ZNF705G: variants seen among roughly 807,000 people sequenced by gnomAD.
The protein encoded by ZNF705G is putative zinc finger protein 705G.
Under a neutral mutation model 19.6 loss-of-function variants are expected in ZNF705G, and 23 were observed. That is an observed-to-expected ratio of 1.17 (90% confidence interval 0.84 to 1.66). The LOEUF (loss-of-function observed/expected upper bound fraction) is 1.66, where lower values mean the gene tolerates loss of function less well. ZNF705G is among the 40% of genes most tolerant of loss of function. The pLI, the probability that ZNF705G is intolerant of heterozygous loss-of-function variation, is 0.00. For missense variants in ZNF705G, 457 were observed against 354.4 expected (o/e 1.29, Z -2.32); for synonymous variants, 146 against 117.7 (o/e 1.24, Z -1.56).
intron 2 of ZNF705G, among the ~76,000 whole-genome samples, chr8:7,371,170 G>T (rs1360769728): frequency 7.3e-6 from 1 of 136,770 alleles, no homozygotes; most frequent in Non-Finnish European, 1.6e-5. Context: ...TGACAACATG[G>T]ATGGACTTGG....
intron 2 of ZNF705G, among the ~76,000 whole-genome samples, chr8:7,370,070 T>C (rs1476367383): frequency 6.7e-6 from 1 of 148,268 alleles, no homozygotes; most frequent in Non-Finnish European, 1.5e-5. Flanking sequence ...GGCAAAGATC[T>C]GGCTAACACC....
At chr8:7,382,166 A>G (rs1425721914) in intron 1 of ZNF705G, among the ~76,000 whole-genome samples, 1 of 150,776 alleles carries the variant, frequency 6.6e-6, no homozygotes. Flanking sequence ...CTCAAAGTAA[A>G]TCACTGCAAA....
intron 2 of ZNF705G, among the ~76,000 whole-genome samples, chr8:7,370,374 A>C (rs558016189): frequency 6.7e-6 from 1 of 149,542 alleles, no homozygotes; most frequent in East Asian, 1.9e-4. Flanking sequence ...TCTAATCATC[A>C]GGGGGATGTA....
rs113198160 is a variant in ZNF705G, at chr8:7,382,621, C to T, written c.-221-1020G>A. ...TGTAAGGGCAGCTATTTTAAAATTGCGTTTTGATTAAAATTGCATTTTGAA... is the reference window on the plus strand; with the variant it reads ...TGTAAGGGCAGCTATTTTAAAATTGTGTTTTGATTAAAATTGCATTTTGAA... On this transcript the variant is annotated intron_variant, in intron 1 of 6. Coordinates refer to ENST00000400156, the MANE Select transcript of ZNF705G (RefSeq NM_001164457.3). Among the ~76,000 whole-genome samples the T allele has an allele frequency of 8.0e-4, 117 of 145,946 alleles. 5 individuals are homozygous for T. The highest frequency in any genetic ancestry group is 6.8e-3 in the Middle Eastern group (2 of 292).
In ZNF705G at chr8:7,358,204, C is replaced by A; in HGVS notation, c.675G>T (p.Gln225His). 1.9e-6 allele frequency: 3 copies of A among 1,607,614 alleles called. No individual in the cohort carries two copies. Among genetic ancestry groups the A allele is most frequent in the Non-Finnish European group, 2.5e-6 (3 of 1,179,606 alleles). The change falls in exon 7 of 7, where the codon CAG (glutamine) becomes CAT (histidine). Residue 225 changes from glutamine to histidine, a missense_variant. Physicochemically the swap from Gln to His is conservative, Grantham distance 24. Coordinates refer to ENST00000400156, the MANE Select transcript of ZNF705G (RefSeq NM_001164457.3). ...CATATTGATGACACTTATATGGTCT[C>A]TGTCCCGTGTGAGTTTTCTCGTGTC... ...LRRHEKTHTG[Q>H]RPYKCHQYGK...
At chr8:7,368,646 T>C (rs536838580) in intron 2 of ZNF705G, among the ~76,000 whole-genome samples, 1 of 149,648 alleles carries the variant, frequency 6.7e-6, no homozygotes, top group South Asian at 2.1e-4. Flanking sequence ...TAGAAGAAAA[T>C]GAAGAAAGGG....
chr8:7,360,839 G>A lies in ZNF705G; in HGVS notation c.139+271C>T, dbSNP rs555688357. On this transcript the variant is annotated intron_variant, in intron 4 of 6. Coordinates refer to ENST00000400156, the MANE Select transcript of ZNF705G (RefSeq NM_001164457.3). ...CTGAAAACATTCATTAAGTTCCCAG[G>A]TCTGTTATGAGTATTAGAGACTGAG... Among the ~76,000 whole-genome samples, 25 of 149,392 alleles carry A rather than the reference G, an allele frequency of 1.7e-4. No homozygotes were observed. The South Asian group carries it at 5.2e-3, about 31-fold the overall frequency.
chr8:7,382,693 T>C (rs1429107229), intron 1 of ZNF705G, among the ~76,000 whole-genome samples: 2 of 146,654 alleles, frequency 1.4e-5, no homozygotes, highest in East Asian at 3.9e-4. Context: ...CACACATCTA[T>C]GGATTAAATT....
At chr8:7,368,813 G>A (rs1210253852) in intron 2 of ZNF705G, among the ~76,000 whole-genome samples, 1 of 149,518 alleles carries the variant, frequency 6.7e-6, no homozygotes, top group Non-Finnish European at 1.5e-5. Context: ...CTCCAGCCAT[G>A]GCTAAAAGGG....
In ZNF705G at chr8:7,361,242, A is replaced by C; in HGVS notation, c.13-6T>G. 1.3e-6 allele frequency: 2 copies of C among 1,592,488 alleles called. No homozygotes were observed. The highest frequency in any genetic ancestry group is 1.7e-6 in the Non-Finnish European group (2 of 1,179,306). On this transcript the variant is annotated splice_region_variant and splice_polypyrimidine_tract_variant and intron_variant, in intron 3 of 6. Transcript: ENST00000400156. ...TCTTCAAAAGTCAGTTTCTTCTAAA[A>C]CATCACAGACATTTTAGTTTAGACA...
intron 2 of ZNF705G, among the ~76,000 whole-genome samples, chr8:7,366,175 GGGATT>G (rs1806847327): frequency 7.0e-6 from 1 of 142,470 alleles, no homozygotes; most frequent in African/African-American, 2.7e-5. Context: ...TTATCTTGAC[GGGATT>G]GCAAGTCAGA....
At chr8:7,370,565 A>T (rs1807058599) in intron 2 of ZNF705G, among the ~76,000 whole-genome samples, 1 of 146,150 alleles carries the variant, frequency 6.8e-6, no homozygotes, top group African/African-American at 2.8e-5. Context: ...AAATAAAACT[A>T]CCTGCTGATG....
chr8:7,362,209 A>T (rs956731905), intron 3 of ZNF705G, among the ~76,000 whole-genome samples: 1 of 149,596 alleles, frequency 6.7e-6, no homozygotes, highest in African/African-American at 2.6e-5. Flanking sequence ...CCTTCTTCTG[A>T]GTGTGCAACC....
chr8:7,369,751 G>A (rs1230915141), intron 2 of ZNF705G, among the ~76,000 whole-genome samples: 1 of 149,322 alleles, frequency 6.7e-6, no homozygotes, highest in Non-Finnish European at 1.5e-5. Context: ...CAACATGGAT[G>A]CAGCTGGAGG....
At chr8:7,363,187 G>T (rs1391268607) in intron 2 of ZNF705G, among the ~76,000 whole-genome samples, 170 bp from the exon 3 acceptor site, 1 of 149,230 alleles carries the variant, frequency 6.7e-6, no homozygotes, top group Non-Finnish European at 1.5e-5. Context: ...TCAAAATTAA[G>T]AAGCCTATGA....
At position 7,376,597 on chromosome 8, in the gene ZNF705G, G is replaced by A. The variant is rs994020243; in HGVS notation, c.-72+4855C>T. Among the ~76,000 whole-genome samples, 7 of 141,074 alleles carry A rather than the reference G, an allele frequency of 5.0e-5. 1 individual carries two copies. Among genetic ancestry groups the A allele is most frequent in the African/African-American group, 8.6e-5 (3 of 34,894 alleles). The allele number at this position is 141,074 out of a possible 152,430, so 92.6% of individuals were successfully genotyped here. ...AATGTTTTCAACAAGTATAGTTTTT[G>A]AGCCTTTAAGAAGACCTTGAATGTT... is the stretch of plus-strand genomic sequence containing the variant. On this transcript the variant is annotated intron_variant, in intron 2 of 6. Transcript: ENST00000400156.
chr8:7,363,192 C>T (rs1372511619), intron 2 of ZNF705G, among the ~76,000 whole-genome samples, 175 bp from the exon 3 acceptor site: 4 of 149,106 alleles, frequency 2.7e-5, no homozygotes, highest in Non-Finnish European at 5.9e-5. Context: ...ATTAAGAAGC[C>T]TATGACTATG....
At position 7,359,602 on chromosome 8, in the gene ZNF705G, A is replaced by C; in HGVS notation, c.318+17T>G. The stretch of plus-strand genomic sequence containing the variant: ...TCTTTAACTTAGATGACTGGTGTAC[A>C]CAGCTATAAAACTTACCATTGTCAT... On this transcript the variant is annotated intron_variant, in intron 6 of 6. Transcript: ENST00000400156. 3.1e-6 allele frequency: 5 copies of C among 1,605,736 alleles called. No homozygotes were observed. Among genetic ancestry groups the C allele is most frequent in the Non-Finnish European group, 4.2e-6 (5 of 1,178,996 alleles).
At chr8:7,382,221 G>C (rs1171405910) in intron 1 of ZNF705G, among the ~76,000 whole-genome samples, 2 of 149,904 alleles carry the variant, frequency 1.3e-5, no homozygotes, top group Admixed American at 1.3e-4. Context: ...AATTCATCTA[G>C]AGAGAAAAAG....
Sources: gnomAD v4.1 joint callset for allele counts (sites outside exome capture counted in the v4.1 genomes callset) on GRCh38, gnomAD v4.1.1 for gene constraint, MANE v1.5 for transcripts, NCBI Gene and HGNC (gene_info 2026-07-23, HGNC 2026-07-21) for gene names.